Variants in QARS1 observed in about 807,000 individuals in gnomAD.
QARS1 encodes the protein glutaminyl-tRNA synthetase 1.
Under a neutral mutation model 106.9 loss-of-function variants are expected in QARS1, and 79 were observed. The observed-to-expected ratio is 0.74, with a 90% CI of 0.62 to 0.89. The LOEUF (loss-of-function observed/expected upper bound fraction) is 0.89, where lower values mean the gene tolerates loss of function less well. Among genes scored for constraint, QARS1 ranks in the 40% least tolerant of loss-of-function variants. The probability of loss-of-function intolerance (pLI) is 0.00; values close to 1 mark genes in which losing one functional copy is unlikely to be tolerated. For synonymous variants in QARS1, 395 were observed against 367.7 expected (o/e 1.07, Z -0.85); for missense variants, 966 against 997.2 (o/e 0.97, Z 0.42).
chr3:49,102,004 A>G, intron 7 of QARS1, 105 bp from the exon 8 acceptor site: 5 of 1,360,116 alleles, frequency 3.7e-6, no homozygotes, highest in Middle Eastern at 1.9e-4. Context: ...TCCAGAGACA[A>G]GATATCTAGA....
chr3:49,098,115 T>C lies in QARS1; in HGVS notation c.2154A>G (p.Ala718=), dbSNP rs756304792. ...PGGFLSDLNL[A]SLHVVDAALV... is the part of the protein sequence containing the mutation. ...ATGCTGCATCCACCACGTGTAGTGA[T>C]GCCTGCAGGCAGGGAACTCAGGCAA... is the stretch of plus-strand genomic sequence containing the variant. The change falls in exon 23 of 24, where the codon GCA becomes GCG. Residue 718 remains alanine (A), a splice_region_variant and synonymous_variant. Transcript: ENST00000306125. 5.0e-6 allele frequency: 8 copies of C among 1,614,230 alleles called. No homozygotes were observed. Among genetic ancestry groups the C allele is most frequent in the Non-Finnish European group, 6.8e-6 (8 of 1,180,048 alleles).
Position 49,101,427 on chromosome 3 carries a change from G to T in QARS1, c.804C>A (p.Phe268Leu). ...EITGGQVRTRFPPEPNGILHI... is the reference protein window; with the variant it reads ...EITGGQVRTRLPPEPNGILHI... ...GCAGGATTCCATTGGGTTCTGGCGG[G>T]AACCGGGTACGTACCTAAAATAAGG... Residue 268 changes from phenylalanine (F) to leucine (L), a missense_variant, in exon 10 of 24, where the codon TTC becomes TTA. Coordinates refer to ENST00000306125, the MANE Select transcript of QARS1 (RefSeq NM_005051.3). The T allele has an allele frequency of 6.2e-7, 1 of 1,613,768 alleles. No individual in the cohort carries two copies. The highest frequency in any genetic ancestry group is 8.5e-7 in the Non-Finnish European group (1 of 1,179,696).
Position 49,098,491 on chromosome 3 carries a change from G to T in QARS1, c.1957-11C>A, listed in dbSNP as rs371725638. The stretch of plus-strand genomic sequence containing the variant: ...ACAACCACTGGGGCCCTGGAAGTGG[G>T]GGGAGGGGAGCAGCAATTAGACCCG... On this transcript the variant is annotated splice_polypyrimidine_tract_variant and intron_variant, in intron 20 of 23. Coordinates refer to ENST00000306125, the MANE Select transcript of QARS1 (RefSeq NM_005051.3). The T allele has an allele frequency of 6.2e-6, 10 of 1,613,974 alleles. No individual in the cohort carries two copies. The African/African-American group carries it at 6.7e-5, about 11-fold the overall frequency.
Position 49,098,877 on chromosome 3 carries a change from C to T in QARS1, c.1863+8G>A, listed in dbSNP as rs1233634978. ...CAGCAAACGGGACCCTCCACCCCCA[C>T]AATTTACCTCCTTGAAGTCAGTCCT... On this transcript the variant is annotated splice_region_variant and intron_variant, in intron 19 of 23. Coordinates refer to ENST00000306125, the MANE Select transcript of QARS1 (RefSeq NM_005051.3). 6 of 1,606,784 alleles carry T rather than the reference C, an allele frequency of 3.7e-6. No individual in the cohort carries two copies. The South Asian group carries it at 4.4e-5, about 12-fold the overall frequency.
chr3:49,101,981 C>T, intron 7 of QARS1, 82 bp from the exon 8 acceptor site: 1 of 1,432,138 alleles, frequency 7.0e-7, no homozygotes, highest in East Asian at 2.3e-5. Flanking sequence ...GAGTAGACCC[C>T]TATTCCCTCA....
At position 49,104,740 on chromosome 3, in the gene QARS1, G is replaced by C. The variant is rs540945052; in HGVS notation, c.-7C>G. The C allele has an allele frequency of 6.2e-6, 10 of 1,611,984 alleles. No homozygotes were observed. Among genetic ancestry groups the C allele is most frequent in the Middle Eastern group, 1.7e-4 (1 of 6,060 alleles). On this transcript the variant is annotated 5_prime_UTR_variant, in exon 1 of 24. Transcript: ENST00000306125. ...GGGAGTCTAGAGCCGCCATTGCAGA[G>C]ACACCGGAAACTAAAAGAAACTTAG... is the stretch of plus-strand genomic sequence containing the variant.
chr3:49,096,046 C>T lies in QARS1; in HGVS notation c.2311G>A (p.Asp771Asn), dbSNP rs754648501. ...VFNRTVTLKE[D>N]PGKV ...CTTCCAGCTCACACCTTTCCTGGGT[C>T]TTCCTTCAGTGTGACAGTTCGGTTA... is the stretch of plus-strand genomic sequence containing the variant. Residue 771 changes from aspartate (D) to asparagine (N), a missense_variant, in exon 24 of 24, where the codon GAC becomes AAC. Transcript: ENST00000306125. The T allele has an allele frequency of 1.2e-6, 2 of 1,613,808 alleles. No homozygotes were observed. The highest frequency in any genetic ancestry group is 2.7e-5 in the African/African-American group (2 of 74,924).
rs749772701 is a variant in QARS1, at chr3:49,102,469, G to A, written c.520C>T (p.Leu174Phe). 1.2e-6 allele frequency: 2 copies of A among 1,614,156 alleles called. No homozygotes were observed. Among genetic ancestry groups the A allele is most frequent in the Non-Finnish European group, 1.7e-6 (2 of 1,180,036 alleles). ...MIKNEVDMQVLHLLGPKLEAD... is the reference protein window; with the variant it reads ...MIKNEVDMQVFHLLGPKLEAD... ...TCCAACTTGGGGCCCAGAAGGTGGA[G>A]GACCTGAGCAGAGACCAGAATCAGG... The change falls in exon 6 of 24, where the codon CTC (leucine) becomes TTC (phenylalanine). Residue 174 changes from leucine to phenylalanine, a missense_variant. By Grantham distance (22) the Leu-to-Phe change is conservative. Coordinates refer to ENST00000306125, the MANE Select transcript of QARS1 (RefSeq NM_005051.3).
intron 23 of QARS1, 52 bp downstream of exon 23, chr3:49,097,940 C>T (rs776564309): frequency 9.3e-6 from 15 of 1,608,916 alleles, no homozygotes; most frequent in South Asian, 4.4e-5. Context: ...GCACAATGAA[C>T]GGCAGCCACT....
chr3:49,098,012 G>C lies in QARS1; in HGVS notation c.2257C>G (p.Pro753Ala). 4 of 1,614,204 alleles carry C rather than the reference G, an allele frequency of 2.5e-6. No individual in the cohort carries two copies. Among genetic ancestry groups the C allele is most frequent in the South Asian group, 1.1e-5 (1 of 91,084 alleles). ...AGCACCTTTCCCTGATGGCTGTCTG[G>C]ATCCACGGAGAAATATCCAAGACGC... ...FERLGYFSVD[P>A]DSHQGKLVFN... The change falls in exon 23 of 24, where the codon CCA becomes GCA. Residue 753 changes from proline to alanine, a missense_variant. Physicochemically the swap from Pro to Ala is conservative, Grantham distance 27. Transcript: ENST00000306125.
chr3:49,103,572 C>T (rs2042498780), intron 4 of QARS1, 59 bp downstream of exon 4: 1 of 1,584,654 alleles, frequency 6.3e-7, no homozygotes, highest in East Asian at 2.3e-5. Flanking sequence ...CTCACTCGTG[C>T]CCAGAAGAAA....
At chr3:49,103,194 G>A in intron 5 of QARS1, 151 bp downstream of exon 5, 1 of 789,906 alleles carries the variant, frequency 1.3e-6, no homozygotes. Flanking sequence ...CTGGGCTCAA[G>A]TAATCCTCCT....
At position 49,098,871 on chromosome 3, in the gene QARS1, C is replaced by T. The variant is rs1057521351; in HGVS notation, c.1863+14G>A. 6.3e-7 allele frequency: 1 copy of T among 1,599,128 alleles called. No homozygotes were observed. Among genetic ancestry groups the T allele is most frequent in the Non-Finnish European group, 8.6e-7 (1 of 1,166,528 alleles). ...ACTCAGCAGCAAACGGGACCCTCCA[C>T]CCCCACAATTTACCTCCTTGAAGTC... On this transcript the variant is annotated intron_variant, in intron 19 of 23. Coordinates refer to ENST00000306125, the MANE Select transcript of QARS1 (RefSeq NM_005051.3).
Position 49,099,092 on chromosome 3 carries a change from A to T in QARS1, c.1758+18T>A. The T allele has an allele frequency of 6.2e-7, 1 of 1,613,804 alleles. No homozygotes were observed. The highest frequency in any genetic ancestry group is 1.3e-5 in the African/African-American group (1 of 74,990). ...AGCTACACACACACATGTGACACACATGTTGAGGCAGGCCCACCTTGGCAG... is the reference window on the plus strand; with the variant it reads ...AGCTACACACACACATGTGACACACTTGTTGAGGCAGGCCCACCTTGGCAG... On this transcript the variant is annotated intron_variant, in intron 18 of 23. Transcript: ENST00000306125.
chr3:49,097,887 C>G (rs2042411678), intron 23 of QARS1, 105 bp downstream of exon 23: 1 of 1,458,714 alleles, frequency 6.9e-7, no homozygotes, highest in South Asian at 1.3e-5. Flanking sequence ...CCAACTCCCT[C>G]AGGTGGTGAG....
chr3:49,104,257 G>C, intron 2 of QARS1, 67 bp downstream of exon 2: 1 of 1,589,528 alleles, frequency 6.3e-7, no homozygotes, highest in Non-Finnish European at 8.6e-7. Flanking sequence ...TTGGCAAAAA[G>C]GGAAGACAGG....
intron 10 of QARS1, 92 bp downstream of exon 10, chr3:49,101,263 T>C (rs943544717): frequency 7.0e-6 from 7 of 995,636 alleles, no homozygotes; most frequent in African/African-American, 3.2e-5. Context: ...GGGTACATTA[T>C]TGGGAGCAGA....
intron 23 of QARS1, 71 bp from the exon 24 acceptor site, chr3:49,096,150 A>T (rs2042387058): frequency 1.1e-5 from 17 of 1,495,876 alleles, no homozygotes; most frequent in Non-Finnish European, 1.6e-5. Context: ...AGGTTTCACC[A>T]CAGACACCTC....
At chr3:49,101,064 T>C (rs995820992) in intron 10 of QARS1, among the ~76,000 whole-genome samples, 1 of 152,244 alleles carries the variant, frequency 6.6e-6, no homozygotes, top group African/African-American at 2.4e-5. Context: ...TAAAAATGTC[T>C]TCAAGAGCTT....
Sources: allele counts gnomAD v4.1 joint callset (sites outside exome capture counted in the v4.1 genomes callset), GRCh38; gene constraint gnomAD v4.1.1; transcripts MANE v1.5; gene names NCBI Gene and HGNC (gene_info 2026-07-23, HGNC 2026-07-21).